RAPGEFL1: variants seen among roughly 807,000 people sequenced by gnomAD.
The protein encoded by RAPGEFL1 is Rap guanine nucleotide exchange factor like 1.
Under a neutral mutation model 64.4 loss-of-function variants are expected in RAPGEFL1, and 31 were observed. The ratio of observed to expected loss-of-function variants is 0.48; its 90% CI spans 0.36 to 0.65. The LOEUF (loss-of-function observed/expected upper bound fraction) is 0.65. RAPGEFL1 is among the 30% of genes least tolerant of loss of function. The pLI is 0.00. For synonymous variants in RAPGEFL1, 331 were observed against 274.1 expected (o/e 1.21, Z -2.05); for missense variants, 682 against 677.4 (o/e 1.01, Z -0.08).
chr17:40,181,925 T>C (rs569283703), intron 2 of RAPGEFL1, among the ~76,000 whole-genome samples: 2 of 151,822 alleles, frequency 1.3e-5, no homozygotes, highest in South Asian at 4.2e-4. Context: ...CTACTAAAAA[T>C]AGAAAAAATT....
At chr17:40,183,142 C>G (rs572951826) in intron 2 of RAPGEFL1, among the ~76,000 whole-genome samples, 1 of 150,476 alleles carries the variant, frequency 6.6e-6, no homozygotes, top group Admixed American at 6.6e-5. Context: ...AGTGAGACTC[C>G]CTCTCAAATA....
In RAPGEFL1 at chr17:40,178,072, C is replaced by A. The variant is rs780977248; in HGVS notation, c.211C>A (p.Pro71Thr). The change falls in exon 1 of 15, where the codon CCC (proline) becomes ACC (threonine). Residue 71 changes from proline (P) to threonine (T), a missense_variant. Coordinates refer to ENST00000620260, the MANE Select transcript of RAPGEFL1 (RefSeq NM_016339.6). ...GCTGCTCCCCGCTTTCCTCCGGGAG[C>A]CCCCCGCCGAGCCGGGGCTGGAGCC... ...RLLLPAFLRE[P>T]PAEPGLEPPP... is the part of the protein sequence containing the mutation. 7.1e-5 allele frequency: 43 copies of A among 603,084 alleles called. No homozygotes were observed. Among genetic ancestry groups the A allele is most frequent in the South Asian group, 6.3e-4 (34 of 54,166 alleles). 37.4% of individuals were successfully genotyped at this position (603,084 alleles called of 1,614,324 possible).
Position 40,183,575 on chromosome 17 carries a change from A to C in RAPGEFL1, c.600-639A>C, listed in dbSNP as rs1989960591. 3.5e-5 allele frequency among the ~76,000 whole-genome samples: 5 copies of C among 142,698 alleles called. 1 individual carries two copies. The South Asian group carries it at 1.1e-3, about 31-fold the overall frequency. The allele number at this position is 142,698 out of a possible 152,430, so 93.6% of individuals were successfully genotyped here. A position where few individuals can be genotyped will look rare whatever the true frequency, so the allele number is the denominator to read the frequency against. The stretch of plus-strand genomic sequence containing the variant: ...GCTCTTATTGCCCAGGCTGGAGTGC[A>C]ATGGCCTGACCTCGGCTCACTGCAA... On this transcript the variant is annotated intron_variant, in intron 2 of 14. Coordinates refer to ENST00000620260, the MANE Select transcript of RAPGEFL1 (RefSeq NM_016339.6).
intron 5 of RAPGEFL1, 69 bp from the exon 6 acceptor site, chr17:40,189,139 C>T: frequency 6.5e-7 from 1 of 1,548,820 alleles, no homozygotes; most frequent in Non-Finnish European, 8.9e-7. Flanking sequence ...TAGAGGCACC[C>T]TGGAGGAGAC....
intron 4 of RAPGEFL1, among the ~76,000 whole-genome samples, chr17:40,186,286 AG>A (rs1990068497): frequency 1.4e-5 from 2 of 139,894 alleles, no homozygotes; most frequent in South Asian, 4.5e-4. Flanking sequence ...AAAAAAAAAA[AG>A]GCCGGGCGCG....
chr17:40,177,892 C>T lies in RAPGEFL1; in HGVS notation c.31C>T (p.Gln11Ter). The T allele has an allele frequency of 2.3e-6, 1 of 426,600 alleles. No homozygotes were observed. The highest frequency in any genetic ancestry group is 5.8e-5 in the South Asian group (1 of 17,118). 26.4% of individuals were successfully genotyped at this position (426,600 alleles called of 1,614,324 possible). A position where few individuals can be genotyped will look rare whatever the true frequency, so the allele number is the denominator to read the frequency against. MKPLEKFLKK[Q>*]TSQLAGRTVA... The stretch of plus-strand genomic sequence containing the variant: ...GCCGCTGGAGAAATTTCTGAAGAAG[C>T]AGACGTCGCAGCTGGCGGGCCGAAC... The change falls in exon 1 of 15, where the codon CAG becomes TAG. Residue 11 changes from glutamine (Q) to a stop codon, truncating the protein, a stop_gained. Transcript: ENST00000620260. LOFTEE classifies it high-confidence loss of function.
chr17:40,180,564 G>C (rs12103533), intron 1 of RAPGEFL1, among the ~76,000 whole-genome samples: 2 of 152,134 alleles, frequency 1.3e-5, no homozygotes, highest in African/African-American at 4.8e-5. Flanking sequence ...CCCTCTGACC[G>C]CTAGGTTTTA....
chr17:40,182,337 A>G (rs983066168), intron 2 of RAPGEFL1, among the ~76,000 whole-genome samples: 2 of 151,786 alleles, frequency 1.3e-5, no homozygotes, highest in African/African-American at 4.8e-5. Context: ...TTTGAGATGG[A>G]GTCTTGCTCT....
Position 40,190,517 on chromosome 17 carries a change from A to G in RAPGEFL1, c.1198A>G (p.Ser400Gly). ...CCACCTGTTTGCCTGTACTCGGGAC[A>G]GCTATGAGGCTCTGGTAAGAACTTC... Reference protein sequence around the residue: ...NSHLFACTRDSYEALVPLPEE... With the variant: ...NSHLFACTRDGYEALVPLPEE... The change falls in exon 7 of 15, where the codon AGC becomes GGC. Residue 400 changes from serine (S) to glycine (G), a missense_variant. Ser to Gly is a moderately conservative substitution (Grantham distance 56). Around this residue, in one of 2 missense-constraint regions of RAPGEFL1, gnomAD observed 411 missense variants for 519.4 expected, o/e 0.79. Coordinates refer to ENST00000620260, the MANE Select transcript of RAPGEFL1 (RefSeq NM_016339.6). The G allele has an allele frequency of 1.2e-6, 2 of 1,614,170 alleles. No homozygotes were observed. The highest frequency in any genetic ancestry group is 8.5e-7 in the Non-Finnish European group (1 of 1,180,032).
In RAPGEFL1 at chr17:40,181,560, C is replaced by G. The variant is rs544783636; in HGVS notation, c.521-56C>G. The G allele has an allele frequency of 2.3e-4, 162 of 699,606 alleles. 1 individual carries two copies. The highest frequency in any genetic ancestry group is 5.1e-4 in the Middle Eastern group (2 of 3,952). 43.3% of individuals were successfully genotyped at this position (699,606 alleles called of 1,614,324 possible). On this transcript the variant is annotated intron_variant, in intron 1 of 14. Coordinates refer to ENST00000620260, the MANE Select transcript of RAPGEFL1 (RefSeq NM_016339.6). Reference sequence around the variant, plus strand: ...GCAAGAGAGGGAGGCACTGCATTTCCAGTTTCGTTCTGGAAGTGCCCACCT... The same window carrying G: ...GCAAGAGAGGGAGGCACTGCATTTCGAGTTTCGTTCTGGAAGTGCCCACCT...
intron 1 of RAPGEFL1, among the ~76,000 whole-genome samples, chr17:40,178,871 A>G (rs146250344): frequency 3.9e-5 from 6 of 152,340 alleles, no homozygotes; most frequent in East Asian, 1.9e-4. Flanking sequence ...ACAGGCCCCA[A>G]GCTGCCTTTT....
rs1241832328 is a variant in RAPGEFL1 at position 40,181,620 on chromosome 17, C to T, written c.525C>T (p.Ile175=). ...GGTGCCCACTGATCTTTACAGATAT[C>T]CTGCTGGATGACATTGTCCTTACCC... ...GATRDSAASD[I]LLDDIVLTHS... is the part of the protein sequence containing the mutation. The change falls in exon 2 of 15, where the codon ATC becomes ATT. Residue 175 remains isoleucine, a synonymous_variant. Transcript: ENST00000620260. 1.4e-6 allele frequency: 1 copy of T among 702,740 alleles called. No individual in the cohort carries two copies. Among genetic ancestry groups the T allele is most frequent in the East Asian group, 2.7e-5 (1 of 37,284 alleles). 43.5% of individuals were successfully genotyped at this position (702,740 alleles called of 1,614,324 possible). A position where few individuals can be genotyped will look rare whatever the true frequency, so the allele number is the denominator to read the frequency against.
chr17:40,190,146 T>C (rs1436748391), intron 6 of RAPGEFL1, among the ~76,000 whole-genome samples: 1 of 152,096 alleles, frequency 6.6e-6, no homozygotes, highest in East Asian at 1.9e-4. Context: ...TGAAGCTTTG[T>C]TTTCCTCTAC....
chr17:40,177,801 C>G lies in RAPGEFL1; in HGVS notation c.-61C>G, dbSNP rs553337717. The stretch of plus-strand genomic sequence containing the variant: ...GAGCATCGTGTCTTCGCCGCCCCCC[C>G]CGCCCGCGCCTGGGATACCTGGGTC... On this transcript the variant is annotated 5_prime_UTR_variant, in exon 1 of 15. Coordinates refer to ENST00000620260, the MANE Select transcript of RAPGEFL1 (RefSeq NM_016339.6). 131 of 410,590 alleles carry G rather than the reference C, an allele frequency of 3.2e-4. 2 individuals carry two copies. The highest frequency in any genetic ancestry group is 1.9e-3 in the African/African-American group (93 of 48,698). The allele number at this position is 410,590 out of a possible 1,614,324, so 25.4% of individuals were successfully genotyped here. A position where few individuals can be genotyped will look rare whatever the true frequency, so the allele number is the denominator to read the frequency against.
chr17:40,188,392 A>C (rs1990150667), intron 4 of RAPGEFL1: 1 of 169,878 alleles, frequency 5.9e-6, no homozygotes, highest in Non-Finnish European at 1.3e-5. Context: ...AAGTAGCTGT[A>C]TGCCTGTCTA....
At chr17:40,182,863 C>T (rs1009311021) in intron 2 of RAPGEFL1, among the ~76,000 whole-genome samples, 6 of 152,058 alleles carry the variant, frequency 3.9e-5, no homozygotes, top group Admixed American at 1.3e-4. Context: ...GTTACAGGCT[C>T]CCAGCCAGGC....
chr17:40,181,804 G>A lies in RAPGEFL1; in HGVS notation c.599+110G>A, dbSNP rs1989903030. 4.7e-6 allele frequency: 3 copies of A among 643,526 alleles called. No individual in the cohort carries two copies. In the South Asian group the frequency reaches 4.8e-5, roughly 10 times the overall value. The allele number at this position is 643,526 out of a possible 1,614,324, so 39.9% of individuals were successfully genotyped here. On this transcript the variant is annotated intron_variant, in intron 2 of 14. Coordinates refer to ENST00000620260, the MANE Select transcript of RAPGEFL1 (RefSeq NM_016339.6). ...TCCCCTAGGAAACATACCTGGGGCC[G>A]AGTGCAGTGGCTCACACCTGTAATC...
At position 40,193,410 on chromosome 17, in the gene RAPGEFL1, G is replaced by A; in HGVS notation, c.1857G>A (p.Arg619=). The change falls in exon 14 of 15, where the codon CGG becomes CGA. Residue 619 remains arginine, a synonymous_variant. Transcript: ENST00000620260. ...KVRTIRKYRS[R]PLCLDMEASP... is the part of the protein sequence containing the mutation. Reference sequence around the variant, plus strand: ...GGACAATCCGCAAATACCGGAGCCGGCCCCTTTGTGAGTACCCAGGGTACT... The same window carrying A: ...GGACAATCCGCAAATACCGGAGCCGACCCCTTTGTGAGTACCCAGGGTACT... The A allele has an allele frequency of 2.5e-6, 4 of 1,614,200 alleles. No individual in the cohort carries two copies. The highest frequency in any genetic ancestry group is 1.1e-5 in the South Asian group (1 of 91,082).
Position 40,177,839 on chromosome 17 carries a change from CT to C in RAPGEFL1, c.-22del. ...GGATACCTGGGTCCCCCGGCGACCC[CT>C]AGGAGAGGGGCGGGGGGGGGCATGA... On this transcript the variant is annotated 5_prime_UTR_variant, in exon 1 of 15. Transcript: ENST00000620260. The C allele has an allele frequency of 2.4e-6, 1 of 424,902 alleles. No individual in the cohort carries two copies. Among genetic ancestry groups the C allele is most frequent in the Non-Finnish European group, 4.1e-6 (1 of 241,094 alleles). 26.3% of individuals were successfully genotyped at this position (424,902 alleles called of 1,614,324 possible). A position where few individuals can be genotyped will look rare whatever the true frequency, so the allele number is the denominator to read the frequency against.
Sources: gnomAD v4.1 joint callset for allele counts (sites outside exome capture counted in the v4.1 genomes callset) on GRCh38, gnomAD v4.1.1 for gene constraint, gnomAD v4.1.1 regional missense constraint, MANE v1.5 for transcripts, NCBI Gene and HGNC (gene_info 2026-07-23, HGNC 2026-07-21) for gene names.